Variants in MME observed in about 807,000 individuals in gnomAD.
The protein encoded by MME is neprilysin.
Under a neutral mutation model 113.2 loss-of-function variants are expected in MME, and 98 were observed. That is an observed-to-expected ratio of 0.87 (90% confidence interval 0.74 to 1.02). MME has a LOEUF of 1.02. Ranked by LOEUF, MME falls within the 50% of genes least tolerant of loss-of-function variation. The pLI, the probability that MME is intolerant of heterozygous loss-of-function variation, is 0.00. For missense variants in MME, 836 were observed against 896.0 expected (o/e 0.93, Z 0.86); for synonymous variants, 292 against 300.6 (o/e 0.97, Z 0.30).
At chr3:155,124,153 C>G (rs1719393762) in intron 8 of MME, among the ~76,000 whole-genome samples, 1 of 150,316 alleles carries the variant, frequency 6.7e-6, no homozygotes, top group South Asian at 2.1e-4. Flanking sequence ...TCCCTTCTCG[C>G]TTCATTTCAT....
intron 3 of MME, among the ~76,000 whole-genome samples, chr3:155,108,675 T>A (rs1717907788): frequency 6.6e-6 from 1 of 152,134 alleles, no homozygotes; most frequent in Admixed American, 6.5e-5. Context: ...GTTCATTTGC[T>A]GTTTGTGACT....
intron 1 of MME, among the ~76,000 whole-genome samples, chr3:155,082,098 A>G (rs1715202506): frequency 6.6e-6 from 1 of 152,132 alleles, no homozygotes; most frequent in South Asian, 2.1e-4. Context: ...AGGGAAAGTA[A>G]CTTACAGGGA....
chr3:155,071,477 AT>A (rs1158363666), intron 1 of MME, among the ~76,000 whole-genome samples: 6 of 152,246 alleles, frequency 3.9e-5, no homozygotes, highest in Non-Finnish European at 8.8e-5. Flanking sequence ...ATTATAGGGT[AT>A]TTTTTCTTGA....
intron 3 of MME, among the ~76,000 whole-genome samples, chr3:155,099,865 G>A (rs1717051952): frequency 6.6e-6 from 1 of 152,162 alleles, no homozygotes; most frequent in South Asian, 2.1e-4. Context: ...ACATACATGT[G>A]CATGTGTCTT....
At chr3:155,073,421 A>G (rs1194082993) in intron 1 of MME, among the ~76,000 whole-genome samples, 1 of 152,204 alleles carries the variant, frequency 6.6e-6, no homozygotes, top group African/African-American at 2.4e-5. Context: ...ACTAATAGAA[A>G]TATCAATTTA....
intron 17 of MME, among the ~76,000 whole-genome samples, chr3:155,162,039 C>A (rs1722755819): frequency 6.6e-6 from 1 of 152,184 alleles, no homozygotes; most frequent in South Asian, 2.1e-4. Flanking sequence ...AATTAACTTT[C>A]AATGGAATCC....
intron 6 of MME, 29 bp downstream of exon 6, chr3:155,116,788 A>C: frequency 5.0e-6 from 8 of 1,591,318 alleles, no homozygotes; most frequent in Non-Finnish European, 6.9e-6. Context: ...TAAAAAAGAA[A>C]TTTCCATGTA....
rs200579982 is a variant in MME, at chr3:155,116,695, A to C, written c.471A>C (p.Leu157=). 1.2e-5 allele frequency: 20 copies of C among 1,613,178 alleles called. No individual in the cohort carries two copies. Among genetic ancestry groups the C allele is most frequent in the Non-Finnish European group, 1.6e-5 (19 of 1,179,626 alleles). Residue 157 remains leucine (L), a synonymous_variant, in exon 6 of 23, where the codon CTA becomes CTC. Transcript: ENST00000360490. ...SAIDSRGGEP[L]LKLLPDIYGW... is the part of the protein sequence containing the mutation. Reference sequence around the variant, plus strand: ...TTGATAGCAGAGGTGGAGAACCTCTACTCAAACTGTTACCAGACATATATG... The same window carrying C: ...TTGATAGCAGAGGTGGAGAACCTCTCCTCAAACTGTTACCAGACATATATG...
chr3:155,041,750 A>C (rs893526547), intron 1 of MME, among the ~76,000 whole-genome samples: 6 of 152,192 alleles, frequency 3.9e-5, no homozygotes, highest in African/African-American at 1.2e-4. Context: ...GAAGGAGTTC[A>C]ATTTTAATAG....
chr3:155,101,145 T>C (rs1320079258), intron 3 of MME, among the ~76,000 whole-genome samples: 1 of 152,124 alleles, frequency 6.6e-6, no homozygotes, highest in East Asian at 1.9e-4. Context: ...TCACGTTCTC[T>C]CATAAGTAAA....
intron 1 of MME, among the ~76,000 whole-genome samples, chr3:155,044,914 G>A (rs76720469): frequency 0.044 from 6,632 of 151,680 alleles, 157 homozygotes; most frequent in African/African-American, 0.053. Flanking sequence ...TATTAATAGT[G>A]TAAGTGAGCT....
intron 3 of MME, 114 bp from the exon 4 acceptor site, chr3:155,114,880 C>T (rs532195661): frequency 4.5e-5 from 47 of 1,036,548 alleles, no homozygotes; most frequent in Middle Eastern, 2.1e-4. Flanking sequence ...AAAAAGAAAA[C>T]GGAGCATCCG....
At chr3:155,174,325 C>T (rs1235411228) in intron 22 of MME, among the ~76,000 whole-genome samples, 4 of 110,256 alleles carry the variant, frequency 3.6e-5, no homozygotes, top group Admixed American at 9.5e-5. Flanking sequence ...ACAACAGAAG[C>T]GTGTGTGTGT....
intron 1 of MME, among the ~76,000 whole-genome samples, chr3:155,063,534 A>G (rs1451902213): frequency 1.7e-5 from 2 of 118,882 alleles, no homozygotes; most frequent in Non-Finnish European, 3.2e-5. Flanking sequence ...TTAAAAATAT[A>G]TATTTAAATA....
chr3:155,145,407 G>T (rs571619470), intron 14 of MME, among the ~76,000 whole-genome samples: 2 of 152,048 alleles, frequency 1.3e-5, no homozygotes, highest in Non-Finnish European at 2.9e-5. Flanking sequence ...CCTAGGCTGG[G>T]TTACATGCTC....
intron 1 of MME, among the ~76,000 whole-genome samples, chr3:155,049,654 T>C (rs1713687625): frequency 6.6e-6 from 1 of 151,638 alleles, no homozygotes; most frequent in Admixed American, 6.6e-5. Flanking sequence ...TATCTATCTA[T>C]CTATCTATCT....
At chr3:155,097,987 A>T (rs1490253415) in intron 3 of MME, among the ~76,000 whole-genome samples, 1 of 152,158 alleles carries the variant, frequency 6.6e-6, no homozygotes, top group Non-Finnish European at 1.5e-5. Flanking sequence ...GATGCTAAGG[A>T]TACTTAGCAC....
At chr3:155,075,829 A>G (rs1053524977), upstream of MME, among the ~76,000 whole-genome samples, 8 of 152,106 alleles carry the variant, frequency 5.3e-5, no homozygotes, top group Admixed American at 3.9e-4. Context: ...TTGAGTAAAG[A>G]CTTCAGAGTG....
At chr3:155,084,991 A>G in intron 2 of MME, 68 bp from the exon 3 acceptor site, 1 of 1,146,784 alleles carries the variant, frequency 8.7e-7, no homozygotes, top group South Asian at 1.5e-5. Flanking sequence ...TTTTAAAAGA[A>G]CAAAAGAAAA....
Sources: gnomAD v4.1 joint callset for allele counts (sites outside exome capture counted in the v4.1 genomes callset) on GRCh38, gnomAD v4.1.1 for gene constraint, MANE v1.5 for transcripts, NCBI Gene and HGNC (gene_info 2026-07-23, HGNC 2026-07-21) for gene names.